SH2D4A: variants seen among roughly 807,000 people sequenced by gnomAD.
The protein encoded by SH2D4A is SH2 domain containing 4A, also known as SH2 domain-containing protein 4A.
Under a neutral mutation model 64.7 loss-of-function variants are expected in SH2D4A, and 70 were observed. The observed-to-expected ratio is 1.08, with a 90% CI of 0.89 to 1.32. The LOEUF (loss-of-function observed/expected upper bound fraction) is 1.32. Among genes scored for constraint, SH2D4A ranks in the 40% most tolerant of loss-of-function variants. The probability of loss-of-function intolerance (pLI) is 0.00; values close to 1 mark genes in which losing one functional copy is unlikely to be tolerated. For synonymous variants in SH2D4A, 268 were observed against 200.7 expected, an observed-to-expected ratio of 1.34 and a Z score of -2.83; for missense variants, 706 against 540.1, an observed-to-expected ratio of 1.31 and a Z score of -3.04.
intron 2 of SH2D4A, among the ~76,000 whole-genome samples, chr8:19,325,953 T>G (rs2052272231): frequency 6.6e-6 from 1 of 152,166 alleles, no homozygotes; most frequent in African/African-American, 2.4e-5. Flanking sequence ...TCTGTGGAGC[T>G]GGGAAAGAAC....
intron 6 of SH2D4A, among the ~76,000 whole-genome samples, chr8:19,362,609 G>A (rs923103877): frequency 2.0e-5 from 3 of 151,882 alleles, no homozygotes; most frequent in African/African-American, 2.4e-5. Flanking sequence ...TTGTGGTGGC[G>A]TACACCTGTA....
At chr8:19,314,432 C>G (rs1029255926) in intron 1 of SH2D4A, among the ~76,000 whole-genome samples, 2 of 152,096 alleles carry the variant, frequency 1.3e-5, no homozygotes, top group Admixed American at 1.3e-4. Context: ...AGTGCAGCGC[C>G]GCCTCCCTCG....
chr8:19,322,203 CCGT>C (rs2052202109), intron 2 of SH2D4A, among the ~76,000 whole-genome samples: 1 of 152,188 alleles, frequency 6.6e-6, no homozygotes, highest in African/African-American at 2.4e-5. Context: ...AAGCCATAGA[CCGT>C]CCAAAGCAAT....
chr8:19,349,381 C>T (rs185769937), intron 4 of SH2D4A, among the ~76,000 whole-genome samples: 1 of 152,054 alleles, frequency 6.6e-6, no homozygotes, highest in African/African-American at 2.4e-5. Context: ...TTTTTAAAAG[C>T]AAACAAATAA....
At chr8:19,375,937 C>G (rs557091104) in intron 8 of SH2D4A, among the ~76,000 whole-genome samples, 40 of 152,220 alleles carry the variant, frequency 2.6e-4, no homozygotes, top group African/African-American at 8.9e-4. Context: ...ACTTGATCTG[C>G]CCCTGTCTAT....
At chr8:19,381,197 C>T (rs1281669350) in intron 8 of SH2D4A, among the ~76,000 whole-genome samples, 1 of 151,902 alleles carries the variant, frequency 6.6e-6, no homozygotes, top group Non-Finnish European at 1.5e-5. Context: ...TTAAAGGCAA[C>T]CACCACCATG....
chr8:19,335,147 GC>G (rs1266649060), intron 4 of SH2D4A, among the ~76,000 whole-genome samples: 1 of 152,080 alleles, frequency 6.6e-6, no homozygotes, highest in Non-Finnish European at 1.5e-5. Context: ...AATTAGCTGG[GC>G]GTGGTGGCGG....
intron 8 of SH2D4A, among the ~76,000 whole-genome samples, chr8:19,376,166 G>T (rs1426245758): frequency 6.6e-6 from 1 of 152,158 alleles, no homozygotes; most frequent in Non-Finnish European, 1.5e-5. Flanking sequence ...GGCTGGAGAT[G>T]CGGGGAGGAA....
chr8:19,327,976 C>CT (rs1264841657), intron 2 of SH2D4A, among the ~76,000 whole-genome samples: 2 of 152,182 alleles, frequency 1.3e-5, no homozygotes, highest in Non-Finnish European at 2.9e-5. Flanking sequence ...GGGCTTGACA[C>CT]TGCCCTGTCC....
chr8:19,392,783 G>T (rs890939142), intron 8 of SH2D4A, among the ~76,000 whole-genome samples: 1 of 151,928 alleles, frequency 6.6e-6, no homozygotes, highest in East Asian at 1.9e-4. Flanking sequence ...TGTTGCCCAG[G>T]CTGGAGGGAG....
chr8:19,379,074 TA>T (rs56937745), intron 8 of SH2D4A, among the ~76,000 whole-genome samples: 465 of 133,384 alleles, frequency 3.5e-3, no homozygotes, highest in East Asian at 4.0e-3. Context: ...GACCCTGCCT[TA>T]AAAAAAAAAA....
chr8:19,316,242 T>C (rs1216707210), intron 1 of SH2D4A, among the ~76,000 whole-genome samples: 1 of 152,204 alleles, frequency 6.6e-6, no homozygotes, highest in Non-Finnish European at 1.5e-5. Flanking sequence ...AGGAAGCCAG[T>C]GTCTTTCCTT....
intron 4 of SH2D4A, among the ~76,000 whole-genome samples, chr8:19,350,197 A>G (rs1428846278): frequency 6.6e-6 from 1 of 152,046 alleles, no homozygotes; most frequent in Non-Finnish European, 1.5e-5. Flanking sequence ...TCCTTCATGG[A>G]TCCTATTTCA....
At chr8:19,369,749 G>C (rs747523757) in intron 7 of SH2D4A, among the ~76,000 whole-genome samples, 4 of 151,894 alleles carry the variant, frequency 2.6e-5, no homozygotes, top group South Asian at 2.1e-4. Flanking sequence ...ACTTATGTGA[G>C]TTTTGTTATT....
intron 7 of SH2D4A, among the ~76,000 whole-genome samples, chr8:19,366,294 C>T (rs181606500): frequency 6.6e-6 from 1 of 152,244 alleles, no homozygotes; most frequent in East Asian, 1.9e-4. Flanking sequence ...CTTGTCATTT[C>T]TTTGTGGTGA....
At chr8:19,314,163 C>A in intron 1 of SH2D4A, 1 of 998,036 alleles carries the variant, frequency 1.0e-6, no homozygotes, top group Non-Finnish European at 1.2e-6. Flanking sequence ...GGCTGAGGAC[C>A]TTCGGGGAAG....
chr8:19,319,131 T>G (rs1435632857), intron 1 of SH2D4A, among the ~76,000 whole-genome samples: 2 of 150,814 alleles, frequency 1.3e-5, no homozygotes, highest in Non-Finnish European at 3.0e-5. Flanking sequence ...AGGGTTTGTT[T>G]TCTTTTTTTT....
intron 8 of SH2D4A, among the ~76,000 whole-genome samples, chr8:19,379,074 TAAA>T (rs56937745): frequency 1.4e-4 from 19 of 133,400 alleles, no homozygotes; most frequent in African/African-American, 3.4e-4. Context: ...GACCCTGCCT[TAAA>T]AAAAAAAAAA....
At chr8:19,357,720 T>C (rs2052815427) in intron 5 of SH2D4A, among the ~76,000 whole-genome samples, 1 of 152,202 alleles carries the variant, frequency 6.6e-6, no homozygotes, top group South Asian at 2.1e-4. Flanking sequence ...GAACCCCTTC[T>C]GGCACTCAGC....
Sources: allele counts gnomAD v4.1 joint callset (sites outside exome capture counted in the v4.1 genomes callset), GRCh38; gene constraint gnomAD v4.1.1; transcripts MANE v1.5; gene names NCBI Gene and HGNC (gene_info 2026-07-23, HGNC 2026-07-21).